Variants in SLC7A11 observed in about 807,000 individuals in gnomAD.
SLC7A11 encodes the protein cystine/glutamate transporter.
A neutral mutation model predicts 54.5 loss-of-function variants in SLC7A11; 35 were observed. The observed-to-expected ratio is 0.64, with a 90% CI of 0.49 to 0.85. SLC7A11 has a LOEUF of 0.85. Among genes scored for constraint, SLC7A11 ranks in the 40% least tolerant of loss-of-function variants. The pLI, the probability that SLC7A11 is intolerant of heterozygous loss-of-function variation, is 0.00. For synonymous variants in SLC7A11, 230 were observed against 225.2 expected (o/e 1.02, Z -0.19); for missense variants, 583 against 618.1 (o/e 0.94, Z 0.60).
At chr4:138,185,321 A>G in intron 6 of SLC7A11, 77 bp from the exon 7 acceptor site, 1 of 1,477,780 alleles carries the variant, frequency 6.8e-7, no homozygotes, top group South Asian at 1.1e-5. Flanking sequence ...TAACAGGCTA[A>G]TTCAAATGAA....
At chr4:138,205,469 T>G (rs1209399771) in intron 6 of SLC7A11, among the ~76,000 whole-genome samples, 1 of 152,054 alleles carries the variant, frequency 6.6e-6, no homozygotes, top group Non-Finnish European at 1.5e-5. Context: ...TTTCAGTGCA[T>G]GGTGTGTGTA....
At chr4:138,203,557 A>G (rs1737337835) in intron 6 of SLC7A11, among the ~76,000 whole-genome samples, 1 of 152,010 alleles carries the variant, frequency 6.6e-6, no homozygotes, top group South Asian at 2.1e-4. Context: ...GACAGTGTGG[A>G]GATTATGGTG....
At chr4:138,186,227 C>T (rs1736872237) in intron 6 of SLC7A11, among the ~76,000 whole-genome samples, 1 of 152,158 alleles carries the variant, frequency 6.6e-6, no homozygotes, top group Non-Finnish European at 1.5e-5. Context: ...ACTGCCTGCA[C>T]AAAGGCTGAT....
intron 11 of SLC7A11, among the ~76,000 whole-genome samples, chr4:138,174,226 G>A (rs532415322): frequency 3.9e-5 from 6 of 152,214 alleles, no homozygotes; most frequent in African/African-American, 1.4e-4. Context: ...TCTTGCTTCC[G>A]CATGTCATAA....
At chr4:138,220,160 G>C (rs898759213) in intron 4 of SLC7A11, among the ~76,000 whole-genome samples, 3 of 151,950 alleles carry the variant, frequency 2.0e-5, no homozygotes, top group Non-Finnish European at 4.4e-5. Context: ...GGCTGGTCTT[G>C]AACTCCTGAT....
At chr4:138,179,992 CAAAT>C (rs1345635781) in intron 10 of SLC7A11, among the ~76,000 whole-genome samples, 2 of 152,052 alleles carry the variant, frequency 1.3e-5, no homozygotes, top group African/African-American at 4.8e-5. Context: ...TTCTTAAAAA[CAAAT>C]AAATCGTGAG....
At position 138,179,284 on chromosome 4, in the gene SLC7A11, A is replaced by C; in HGVS notation, c.1377T>G (p.Thr459=). 1 of 1,612,768 alleles carries C rather than the reference A, an allele frequency of 6.2e-7. No homozygotes were observed. Among genetic ancestry groups the C allele is most frequent in the Non-Finnish European group, 8.5e-7 (1 of 1,179,070 alleles). Residue 459 remains threonine (T), a synonymous_variant, in exon 11 of 12, where the codon ACT becomes ACG. Coordinates refer to ENST00000280612, the MANE Select transcript of SLC7A11 (RefSeq NM_014331.4). The part of the protein sequence containing the change: ...STGIGFVITL[T]GVPAYYLFII... Reference sequence around the variant, plus strand: ...TAAAGAGATAATACGCAGGGACTCCAGTCAGAGTGATGACGAAGCCAATCC... The same window carrying C: ...TAAAGAGATAATACGCAGGGACTCCCGTCAGAGTGATGACGAAGCCAATCC...
In SLC7A11 at chr4:138,233,560, G is replaced by A. The variant is rs536044007; in HGVS notation, c.405-1178C>T. Among the ~76,000 whole-genome samples, 15 of 152,078 alleles carry A rather than the reference G, an allele frequency of 9.9e-5. No homozygotes were observed. The East Asian group carries it at 1.2e-3, about 12-fold the overall frequency. On this transcript the variant is annotated intron_variant, in intron 2 of 11. Coordinates refer to ENST00000280612, the MANE Select transcript of SLC7A11 (RefSeq NM_014331.4). The stretch of plus-strand genomic sequence containing the variant: ...TCGTGGTTACCCAACATTCATGCCC[G>A]ATCCATAGATTATCAGAAAACCAAC...
intron 4 of SLC7A11, 135 bp from the exon 5 acceptor site, chr4:138,219,500 T>C (rs1476997414): frequency 1.6e-6 from 1 of 616,482 alleles, no homozygotes; most frequent in Non-Finnish European, 2.9e-6. Flanking sequence ...TTACCATCTT[T>C]ATCAATACTG....
At chr4:138,194,527 T>C (rs1045323731) in intron 6 of SLC7A11, among the ~76,000 whole-genome samples, 3 of 152,132 alleles carry the variant, frequency 2.0e-5, no homozygotes, top group East Asian at 3.9e-4. Context: ...GAAACAAAAG[T>C]GGTTCATACA....
chr4:138,208,112 G>T (rs768872808), intron 6 of SLC7A11, among the ~76,000 whole-genome samples: 1 of 152,092 alleles, frequency 6.6e-6, no homozygotes, highest in Non-Finnish European at 1.5e-5. Context: ...TTGGTACAAG[G>T]TGTGATGACT....
At chr4:138,210,835 C>T (rs572583331) in intron 6 of SLC7A11, among the ~76,000 whole-genome samples, 4 of 151,944 alleles carry the variant, frequency 2.6e-5, no homozygotes, top group Admixed American at 1.3e-4. Context: ...AAAGAAGTTG[C>T]GAGATTTCTC....
In SLC7A11 at chr4:138,167,190, C is replaced by G. The variant is rs992238657; in HGVS notation, c.*4766G>C. On this transcript the variant is annotated 3_prime_UTR_variant, in exon 12 of 12. Coordinates refer to ENST00000280612, the MANE Select transcript of SLC7A11 (RefSeq NM_014331.4). Reference sequence around the variant, plus strand: ...TTGAGATGAAGTCTCGCGCTCTTGTCCCCTAGGCTGGAGTGCAATGATGCG... The same window carrying G: ...TTGAGATGAAGTCTCGCGCTCTTGTGCCCTAGGCTGGAGTGCAATGATGCG... 1.7e-5 allele frequency: 2 copies of G among 119,416 alleles called. No individual in the cohort carries two copies. Among genetic ancestry groups the G allele is most frequent in the Non-Finnish European group, 3.2e-5 (2 of 62,802 alleles). The allele number at this position is 119,416 out of a possible 1,614,324, so 7.4% of individuals were successfully genotyped here. A position where few individuals can be genotyped will look rare whatever the true frequency, so the allele number is the denominator to read the frequency against.
chr4:138,236,658 A>T (rs568141081), intron 1 of SLC7A11, among the ~76,000 whole-genome samples: 174 of 152,342 alleles, frequency 1.1e-3, no homozygotes, highest in African/African-American at 4.0e-3. Flanking sequence ...GTTGAGATTT[A>T]GTGTATTCTA....
intron 1 of SLC7A11, among the ~76,000 whole-genome samples, chr4:138,237,739 T>TATATATTTATTTATTTA (rs1738270196): frequency 1.1e-4 from 1 of 9,206 alleles, no homozygotes; most frequent in African/African-American, 4.6e-4. Flanking sequence ...ATATATATAT[T>TATATATTTATTTATTTA]TTTTTTTTTT....
chr4:138,197,834 T>C (rs1055688605), intron 6 of SLC7A11, among the ~76,000 whole-genome samples: 24 of 151,672 alleles, frequency 1.6e-4, no homozygotes, highest in Non-Finnish European at 2.9e-4. Context: ...GATATATCTA[T>C]AAAAAGGCAA....
At chr4:138,196,363 A>G (rs1297704427) in intron 6 of SLC7A11, among the ~76,000 whole-genome samples, 1 of 152,160 alleles carries the variant, frequency 6.6e-6, no homozygotes, top group Admixed American at 6.5e-5. Flanking sequence ...ATCTAGAGAA[A>G]CCAGCCAATG....
rs753381662 is a variant in SLC7A11 at position 138,232,350 on chromosome 4, A to C, written c.437T>G (p.Phe146Cys). ...PAATAVISLA[F>C]GRYILEPFFI... ...AAATGGTTCCAGAATGTAGCGTCCA[A>C]ATGCCAGGGATATCACAGCAGTAGC... Residue 146 changes from phenylalanine (F) to cysteine (C), a missense_variant, in exon 3 of 12, where the codon TTT becomes TGT. Physicochemically the swap from Phe to Cys is radical, Grantham distance 205. Coordinates refer to ENST00000280612, the MANE Select transcript of SLC7A11 (RefSeq NM_014331.4). 1.9e-6 allele frequency: 3 copies of C among 1,613,182 alleles called. No homozygotes were observed. The South Asian group carries it at 3.3e-5, about 18-fold the overall frequency.
At chr4:138,217,737 C>A (rs1737713368) in intron 5 of SLC7A11, among the ~76,000 whole-genome samples, 1 of 152,198 alleles carries the variant, frequency 6.6e-6, no homozygotes, top group South Asian at 2.1e-4. Flanking sequence ...AAAGCTTTCT[C>A]TACCTCCCCG....
Sources: gnomAD v4.1 joint callset for allele counts (sites outside exome capture counted in the v4.1 genomes callset) on GRCh38, gnomAD v4.1.1 for gene constraint, MANE v1.5 for transcripts, NCBI Gene and HGNC (gene_info 2026-07-23, HGNC 2026-07-21) for gene names.